Variants in DPP6 observed in about 807,000 individuals in gnomAD.
The protein encoded by DPP6 is dipeptidyl peptidase like 6.
In DPP6, 69 loss-of-function variants were observed where a neutral mutation model predicts 122.6. The observed-to-expected ratio is 0.56, with a 90% CI of 0.46 to 0.69. DPP6 has a LOEUF of 0.69. Among genes scored for constraint, DPP6 ranks in the 30% least tolerant of loss-of-function variants. DPP6 has a pLI of 0.00. For synonymous variants in DPP6, 418 were observed against 433.1 expected, an observed-to-expected ratio of 0.97 and a Z score of 0.43; for missense variants, 928 against 1,116.9, an observed-to-expected ratio of 0.83 and a Z score of 2.41.
intron 7 of DPP6, among the ~76,000 whole-genome samples, chr7:154,712,370 A>G (rs1841240539): frequency 6.6e-6 from 1 of 152,202 alleles, no homozygotes; most frequent in African/African-American, 2.4e-5. Context: ...TTTCCCTAAT[A>G]AGGACTGAAA....
intron 1 of DPP6, among the ~76,000 whole-genome samples, chr7:154,395,046 A>G (rs942839692): frequency 2.0e-5 from 3 of 152,146 alleles, no homozygotes; most frequent in Non-Finnish European, 4.4e-5. Flanking sequence ...AACAACAGAC[A>G]TTTATTTCTC....
At chr7:154,126,966 G>T (rs1807938206) in intron 1 of DPP6, among the ~76,000 whole-genome samples, 1 of 152,082 alleles carries the variant, frequency 6.6e-6, no homozygotes, top group Non-Finnish European at 1.5e-5. Context: ...AGTCTGTTTT[G>T]CTCTTCCCAC....
chr7:153,949,119 C>T (rs893425844), intron 1 of DPP6, among the ~76,000 whole-genome samples: 1 of 152,228 alleles, frequency 6.6e-6, no homozygotes, highest in Non-Finnish European at 1.5e-5. Context: ...CTGGGGTGGT[C>T]TCTGCCCGGA....
At chr7:154,280,855 A>T (rs1804455884) in intron 1 of DPP6, among the ~76,000 whole-genome samples, 1 of 152,172 alleles carries the variant, frequency 6.6e-6, no homozygotes, top group Non-Finnish European at 1.5e-5. Context: ...TAGCCATCCC[A>T]CGAGGTAACC....
chr7:154,800,159 G>A (rs1007163881), intron 12 of DPP6, among the ~76,000 whole-genome samples: 4 of 152,158 alleles, frequency 2.6e-5, no homozygotes, highest in African/African-American at 9.7e-5. Context: ...CATTTCCTCT[G>A]CTTTTAAATA....
intron 1 of DPP6, among the ~76,000 whole-genome samples, chr7:154,103,991 G>A (rs185966716): frequency 1.1e-4 from 16 of 152,296 alleles, no homozygotes; most frequent in African/African-American, 3.4e-4. Flanking sequence ...ATGGCCTATG[G>A]TGGGACTTCA....
chr7:154,201,737 C>T (rs73165251), intron 1 of DPP6, among the ~76,000 whole-genome samples: 2,504 of 152,230 alleles, frequency 0.016, 23 homozygotes, highest in Middle Eastern at 0.051. Context: ...ATCCGTGATC[C>T]GTGTGTCATG....
intron 1 of DPP6, among the ~76,000 whole-genome samples, chr7:154,195,849 G>A (rs756660848): frequency 6.6e-6 from 1 of 152,094 alleles, no homozygotes; most frequent in Admixed American, 6.5e-5. Context: ...TGCACTCCCT[G>A]CCATCTTCCA....
the DPP6 span, among the ~76,000 whole-genome samples, chr7:153,863,617 A>AT: frequency 3.8e-3 from 582 of 152,232 alleles, 3 homozygotes; most frequent in African/African-American, 0.013. Context: ...GAAATCAATG[A>AT]TTTTTTTAGT....
intron 2 of DPP6, among the ~76,000 whole-genome samples, chr7:154,463,263 A>T (rs1268412257): frequency 7.8e-6 from 1 of 128,230 alleles, no homozygotes; most frequent in East Asian, 2.4e-4. Flanking sequence ...GCTGGAGTGC[A>T]GTGGCACGAT....
intron 1 of DPP6, among the ~76,000 whole-genome samples, chr7:154,255,252 C>T (rs909047998): frequency 2.0e-5 from 3 of 152,082 alleles, no homozygotes; most frequent in Non-Finnish European, 4.4e-5. Flanking sequence ...GAAAGAAGAA[C>T]TGAAGGTCAC....
At chr7:154,207,239 T>A (rs1799497781) in intron 1 of DPP6, among the ~76,000 whole-genome samples, 1 of 152,236 alleles carries the variant, frequency 6.6e-6, no homozygotes, top group African/African-American at 2.4e-5. Context: ...CCAATTTAAC[T>A]GTGAAAACCC....
intron 1 of DPP6, among the ~76,000 whole-genome samples, chr7:153,941,786 G>C (rs1456943626): frequency 2.0e-5 from 3 of 152,162 alleles, no homozygotes; most frequent in African/African-American, 7.2e-5. Flanking sequence ...TGGAGTTTCT[G>C]CATGGATAAT....
In DPP6 at chr7:154,785,399, C is replaced by G. The variant is rs561636672; in HGVS notation, c.1137-8680C>G. Among the ~76,000 whole-genome samples the G allele has an allele frequency of 1.9e-4, 29 of 152,262 alleles. No homozygotes were observed. In the South Asian group the frequency reaches 6.0e-3, roughly 32 times the overall value. On this transcript the variant is annotated intron_variant, in intron 10 of 25. Transcript: ENST00000377770. ...AATGAATTTTAGTCTTATTTATTGT[C>G]TTTTTATGATAGACAAGAATTCGGA...
chr7:154,745,516 G>T (rs1017935557), intron 8 of DPP6, among the ~76,000 whole-genome samples: 1 of 152,166 alleles, frequency 6.6e-6, no homozygotes, highest in African/African-American at 2.4e-5. Context: ...TGGACACAGG[G>T]TGTGTCTTAG....
At position 154,074,901 on chromosome 7, in the gene DPP6, G is replaced by A. The variant is rs534300491; in HGVS notation, c.243+21838G>A. Among the ~76,000 whole-genome samples the A allele has an allele frequency of 5.4e-3, 812 of 151,260 alleles. 5 individuals are homozygous for A. Among genetic ancestry groups the A allele is most frequent in the African/African-American group, 0.019 (783 of 41,158 alleles). ...GCGGGAGAAAATATTTGCAAACTAT[G>A]TATCTGACACAGTACTACTATCCAG... is the stretch of plus-strand genomic sequence containing the variant. On this transcript the variant is annotated intron_variant, in intron 1 of 25. Transcript: ENST00000377770.
chr7:154,733,765 G>A (rs1842449005), intron 8 of DPP6, among the ~76,000 whole-genome samples: 1 of 152,160 alleles, frequency 6.6e-6, no homozygotes, highest in Admixed American at 6.5e-5. Context: ...TTCAGGGTCT[G>A]TTTTCCACAG....
chr7:153,785,013 C>T, the DPP6 span, among the ~76,000 whole-genome samples: 33 of 152,278 alleles, frequency 2.2e-4, no homozygotes, highest in Admixed American at 2.2e-3. Context: ...ACAGGTAATG[C>T]ATAAATGCAG....
chr7:153,864,362 T>C, the DPP6 span, among the ~76,000 whole-genome samples: 1 of 152,134 alleles, frequency 6.6e-6, no homozygotes, highest in African/African-American at 2.4e-5. Flanking sequence ...TTTTAAAAAA[T>C]ATATGCTTGG....
Sources: gnomAD v4.1 joint callset for allele counts (sites outside exome capture counted in the v4.1 genomes callset) on GRCh38, gnomAD v4.1.1 for gene constraint, MANE v1.5 for transcripts, NCBI Gene and HGNC (gene_info 2026-07-23, HGNC 2026-07-21) for gene names.